SLX9: variants seen among roughly 807,000 people sequenced by gnomAD.
SLX9 encodes ribosome biogenesis protein SLX9 homolog.
Under a neutral mutation model 20.8 loss-of-function variants are expected in SLX9, and 19 were observed. The observed-to-expected ratio is 0.91, with a 90% CI of 0.64 to 1.34. The LOEUF (loss-of-function observed/expected upper bound fraction) is 1.34. SLX9 is among the 40% of genes most tolerant of loss of function. The pLI, the probability that SLX9 is intolerant of heterozygous loss-of-function variation, is 0.00. For synonymous variants in SLX9, 113 were observed against 137.1 expected, an observed-to-expected ratio of 0.82 and a Z score of 1.23; for missense variants, 299 against 322.2, an observed-to-expected ratio of 0.93 and a Z score of 0.55.
chr21:44,973,444 A>G (rs371211580), intron 5 of SLX9, among the ~76,000 whole-genome samples, 179 bp downstream of exon 5: 16 of 69,264 alleles, frequency 2.3e-4, no homozygotes, highest in Admixed American at 7.5e-4. Flanking sequence ...ATGTGCCCTC[A>G]CCCCGCCCAC....
At chr21:44,966,396 C>T (rs2085035442) in intron 3 of SLX9, among the ~76,000 whole-genome samples, 1 of 152,222 alleles carries the variant, frequency 6.6e-6, no homozygotes, top group Non-Finnish European at 1.5e-5. Context: ...TCCACAGCCT[C>T]CAGGAGCCAC....
At chr21:44,957,144 GGGCC>G (rs1294063051) in intron 2 of SLX9, among the ~76,000 whole-genome samples, 1 of 152,178 alleles carries the variant, frequency 6.6e-6, no homozygotes, top group African/African-American at 2.4e-5. Flanking sequence ...GGTTTTTGCC[GGGCC>G]GGCCGGCGTT....
intron 2 of SLX9, among the ~76,000 whole-genome samples, chr21:44,959,472 C>T (rs147088640): frequency 3.3e-5 from 5 of 152,296 alleles, no homozygotes; most frequent in African/African-American, 9.6e-5. Context: ...CTGCCCCTGT[C>T]CCCCCAGCAA....
At chr21:44,966,885 G>A (rs1051186069) in intron 3 of SLX9, 149 bp from the exon 4 acceptor site, 3 of 1,011,200 alleles carry the variant, frequency 3.0e-6, no homozygotes, top group African/African-American at 1.6e-5. Flanking sequence ...CCGCCCTGCA[G>A]GTTCCCAGGG....
At chr21:44,940,253 C>A in intron 1 of SLX9, 67 bp downstream of exon 1, 1 of 1,197,076 alleles carries the variant, frequency 8.4e-7, no homozygotes, top group Non-Finnish European at 1.0e-6. Context: ...TGCGGGGCGC[C>A]GCCTCCGGGA....
intron 2 of SLX9, among the ~76,000 whole-genome samples, chr21:44,952,055 G>A (rs2084768167): frequency 6.8e-6 from 1 of 147,512 alleles, no homozygotes; most frequent in Non-Finnish European, 1.5e-5. Flanking sequence ...GATTAAAGTC[G>A]CCGGTTTGAT....
At chr21:44,960,276 C>A in intron 3 of SLX9, 108 bp downstream of exon 3, 1 of 1,050,704 alleles carries the variant, frequency 9.5e-7, no homozygotes, top group African/African-American at 1.6e-5. Context: ...CCACACTCCC[C>A]GAGGAGTGCC....
At chr21:44,965,244 G>A (rs537922597) in intron 3 of SLX9, among the ~76,000 whole-genome samples, 1 of 152,282 alleles carries the variant, frequency 6.6e-6, no homozygotes, top group Admixed American at 6.5e-5. Context: ...GCACTCTCCC[G>A]TTGGTTCTCC....
At chr21:44,943,512 G>A (rs913764624) in intron 1 of SLX9, among the ~76,000 whole-genome samples, 172 bp from the exon 2 acceptor site, 15 of 152,186 alleles carry the variant, frequency 9.9e-5, no homozygotes, top group African/African-American at 3.1e-4. Flanking sequence ...CTCTGGAACC[G>A]GAGGCTTCTG....
intron 2 of SLX9, chr21:44,958,533 G>A (rs1262342063): frequency 2.0e-5 from 3 of 152,300 alleles, no homozygotes; most frequent in Admixed American, 6.5e-5. Flanking sequence ...CGGGGGAGAG[G>A]GAATCAGGAC....
At chr21:44,976,180 T>G (rs1844016652) in intron 5 of SLX9, among the ~76,000 whole-genome samples, 1 of 152,180 alleles carries the variant, frequency 6.6e-6, no homozygotes, top group African/African-American at 2.4e-5. Context: ...CCGGGCTGGG[T>G]GGCGGCTGGG....
At chr21:44,952,400 GTT>G (rs2084774955) in intron 2 of SLX9, among the ~76,000 whole-genome samples, 1 of 152,246 alleles carries the variant, frequency 6.6e-6, no homozygotes, top group Admixed American at 6.5e-5. Context: ...TGTTTAAGTT[GTT>G]TCTGGAACTT....
At chr21:44,974,124 CCA>C (rs2085216469) in intron 5 of SLX9, among the ~76,000 whole-genome samples, 1 of 152,222 alleles carries the variant, frequency 6.6e-6, no homozygotes, top group East Asian at 1.9e-4. Context: ...AGACTCAGCT[CCA>C]GTTTCCACTG....
chr21:44,947,982 C>A (rs1012556870), intron 2 of SLX9, among the ~76,000 whole-genome samples: 1 of 152,250 alleles, frequency 6.6e-6, no homozygotes, highest in African/African-American at 2.4e-5. Context: ...GGGGTGAGCA[C>A]CCGTCTCCTG....
At chr21:44,953,201 G>A (rs976524878) in intron 2 of SLX9, among the ~76,000 whole-genome samples, 12 of 152,228 alleles carry the variant, frequency 7.9e-5, no homozygotes, top group Non-Finnish European at 1.5e-4. Flanking sequence ...AGTGCCCCCC[G>A]GCTACAGGGC....
chr21:44,940,838 G>T (rs1256543831), intron 1 of SLX9, among the ~76,000 whole-genome samples: 1 of 151,782 alleles, frequency 6.6e-6, no homozygotes, highest in East Asian at 1.9e-4. Context: ...ATTTTTTTCT[G>T]CCCCTTTCTG....
intron 5 of SLX9, among the ~76,000 whole-genome samples, chr21:44,974,148 T>G (rs2123468173): frequency 1.3e-5 from 2 of 152,366 alleles, no homozygotes; most frequent in East Asian, 3.8e-4. Flanking sequence ...GAGAGCCACA[T>G]TTTACGCCCT....
intron 2 of SLX9, among the ~76,000 whole-genome samples, chr21:44,946,636 C>T (rs1394567389): frequency 6.6e-6 from 1 of 152,204 alleles, no homozygotes; most frequent in Non-Finnish European, 1.5e-5. Flanking sequence ...GAGGTGTGTT[C>T]CAGGAGGCTG....
intron 2 of SLX9, among the ~76,000 whole-genome samples, chr21:44,944,901 C>T (rs567240681): frequency 6.6e-6 from 1 of 152,344 alleles, no homozygotes; most frequent in South Asian, 2.1e-4. Context: ...CAGTATTTAT[C>T]TCCTAAGTTC....
Sources: allele counts gnomAD v4.1 joint callset (sites outside exome capture counted in the v4.1 genomes callset), GRCh38; gene constraint gnomAD v4.1.1; transcripts MANE v1.5; gene names NCBI Gene and HGNC (gene_info 2026-07-23, HGNC 2026-07-21).